The following PRKN variants were observed in gnomAD, a reference collection of about 807,000 sequenced individuals.
The protein encoded by PRKN is E3 ubiquitin-protein ligase parkin.
In PRKN, 56 loss-of-function variants were observed where a neutral mutation model predicts 59.5. The observed-to-expected ratio is 0.94, with a 90% CI of 0.76 to 1.18. PRKN has a LOEUF of 1.18. PRKN is among the 50% of genes most tolerant of loss of function. The probability of loss-of-function intolerance (pLI) is 0.00; values close to 1 mark genes in which losing one functional copy is unlikely to be tolerated. For missense variants in PRKN, 657 were observed against 596.4 expected, an observed-to-expected ratio of 1.10 and a Z score of -1.06; for synonymous variants, 250 against 222.1, an observed-to-expected ratio of 1.13 and a Z score of -1.12.
intron 2 of PRKN, among the ~76,000 whole-genome samples, chr6:162,384,555 A>T (rs1786678200): frequency 6.6e-6 from 1 of 151,960 alleles, no homozygotes; most frequent in Non-Finnish European, 1.5e-5. Flanking sequence ...AAGAATTACC[A>T]AATGATAGAG....
At chr6:161,437,799 C>T (rs1788997056) in intron 9 of PRKN, among the ~76,000 whole-genome samples, 1 of 152,162 alleles carries the variant, frequency 6.6e-6, no homozygotes. Flanking sequence ...TAGTCTGTGA[C>T]ATGCAGAAAA....
intron 2 of PRKN, among the ~76,000 whole-genome samples, chr6:162,348,517 A>T (rs1784497084): frequency 6.6e-6 from 1 of 152,218 alleles, no homozygotes; most frequent in Non-Finnish European, 1.5e-5. Context: ...TATAATATAA[A>T]ACTAAATAAA....
chr6:162,359,079 A>ATATATATATATATATATAT (rs1554304694), intron 2 of PRKN, among the ~76,000 whole-genome samples: 6 of 83,242 alleles, frequency 7.2e-5, no homozygotes, highest in African/African-American at 4.4e-4. Context: ...AAAAAAAAAA[A>ATATATATATATATATATAT]ATATATATAT....
chr6:161,537,066 T>G (rs889045531), intron 9 of PRKN, among the ~76,000 whole-genome samples: 1 of 152,250 alleles, frequency 6.6e-6, no homozygotes, highest in Non-Finnish European at 1.5e-5. Context: ...AATACAATAC[T>G]GCTTATACAA....
intron 7 of PRKN, among the ~76,000 whole-genome samples, chr6:161,600,665 A>T (rs956650742): frequency 3.3e-5 from 5 of 152,200 alleles, no homozygotes; most frequent in African/African-American, 1.2e-4. Flanking sequence ...ACCTCAGTTA[A>T]ACTTTTTACC....
At chr6:161,541,808 G>T (rs769062394) in intron 9 of PRKN, among the ~76,000 whole-genome samples, 1 of 151,494 alleles carries the variant, frequency 6.6e-6, no homozygotes, top group Non-Finnish European at 1.5e-5. Flanking sequence ...GTGACAGAGC[G>T]AGACTCCGTC....
chr6:161,945,789 G>T (rs780974106), intron 6 of PRKN, among the ~76,000 whole-genome samples: 1 of 152,164 alleles, frequency 6.6e-6, no homozygotes, highest in Non-Finnish European at 1.5e-5. Flanking sequence ...AGACATGACA[G>T]TTTCCCTCTT....
chr6:162,136,909 T>C (rs1370879842), intron 4 of PRKN, among the ~76,000 whole-genome samples: 20 of 152,244 alleles, frequency 1.3e-4, no homozygotes, highest in Admixed American at 1.2e-3. Flanking sequence ...ATTTTATTTA[T>C]TTATCCACAT....
intron 4 of PRKN, among the ~76,000 whole-genome samples, chr6:162,137,052 C>T (rs1781585372): frequency 6.6e-6 from 1 of 151,662 alleles, no homozygotes; most frequent in South Asian, 2.1e-4. Context: ...TTATAAGTAC[C>T]TCATTTTTAA....
chr6:161,653,887 CAGGGAAACATGTCACAGG>C (rs1330871407), intron 7 of PRKN, among the ~76,000 whole-genome samples: 1 of 152,196 alleles, frequency 6.6e-6, no homozygotes, highest in African/African-American at 2.4e-5. Context: ...GGCCAGCCTT[CAGGGAAACATGTCACAGG>C]AGCACGCTGG....
In PRKN at chr6:162,612,665, T is replaced by C. The variant is rs57579486; in HGVS notation, c.7+114997A>G. 4.0e-3 allele frequency among the ~76,000 whole-genome samples: 595 copies of C among 149,288 alleles called. 1 individual carries two copies. Among genetic ancestry groups the C allele is most frequent in the African/African-American group, 0.014 (575 of 40,558 alleles). Reference sequence around the variant, plus strand: ...CAAAACGTTGCCTTAAACTGAAGCATACACATCAACAGCATAAGTTCTTCC... The same window carrying C: ...CAAAACGTTGCCTTAAACTGAAGCACACACATCAACAGCATAAGTTCTTCC... On this transcript the variant is annotated intron_variant, in intron 1 of 11. Transcript: ENST00000366898.
At chr6:162,508,499 A>G (rs1793702462) in intron 1 of PRKN, among the ~76,000 whole-genome samples, 4 of 152,168 alleles carry the variant, frequency 2.6e-5, no homozygotes, top group Non-Finnish European at 4.4e-5. Context: ...CTTAGAGTCA[A>G]TTTGTTTTCT....
At position 161,733,783 on chromosome 6, in the gene PRKN, AATATATATATATATGTATATATAT is replaced by A. The variant is rs1399635892; in HGVS notation, c.871+51965_871+51988del. Among the ~76,000 whole-genome samples the A allele has an allele frequency of 4.6e-5, 4 of 86,228 alleles. 1 individual carries two copies. Among genetic ancestry groups the A allele is most frequent in the African/African-American group, 1.8e-4 (2 of 11,402 alleles). The allele number at this position is 86,228 out of a possible 152,430, so 56.6% of individuals were successfully genotyped here. A position where few individuals can be genotyped will look rare whatever the true frequency, so the allele number is the denominator to read the frequency against. On this transcript the variant is annotated intron_variant, in intron 7 of 11. Coordinates refer to ENST00000366898, the MANE Select transcript of PRKN (RefSeq NM_004562.3). Reference sequence around the variant, plus strand: ...TTCCCAGGGGGTGAAAAAAAAAAAAAATATATATATATATGTATATATATATATATATATATATGTATTCCAAAG... The same window carrying A: ...TTCCCAGGGGGTGAAAAAAAAAAAAAATATATATATATATGTATTCCAAAG...
At chr6:162,702,784 A>G (rs535584261) in intron 1 of PRKN, among the ~76,000 whole-genome samples, 4 of 152,316 alleles carry the variant, frequency 2.6e-5, no homozygotes, top group South Asian at 2.1e-4. Flanking sequence ...AAATGACAAG[A>G]GAATTAATAG....
At chr6:161,808,463 A>G (rs1191694860) in intron 6 of PRKN, among the ~76,000 whole-genome samples, 6 of 152,238 alleles carry the variant, frequency 3.9e-5, no homozygotes, top group African/African-American at 1.2e-4. Flanking sequence ...TAAATAGTAC[A>G]GAAAATTGTA....
chr6:161,743,306 G>A (rs1219256636), intron 7 of PRKN, among the ~76,000 whole-genome samples: 19 of 136,726 alleles, frequency 1.4e-4, no homozygotes, highest in African/African-American at 2.7e-5. Context: ...TGCAAGCTCC[G>A]CCTCCCGGGT....
chr6:161,791,422 T>C (rs1790632999), intron 6 of PRKN, among the ~76,000 whole-genome samples: 1 of 152,210 alleles, frequency 6.6e-6, no homozygotes, highest in African/African-American at 2.4e-5. Context: ...AGTTTTTATG[T>C]TTATCTAGAA....
At chr6:162,258,202 T>G (rs1775496851) in intron 3 of PRKN, among the ~76,000 whole-genome samples, 1 of 152,228 alleles carries the variant, frequency 6.6e-6, no homozygotes, top group African/African-American at 2.4e-5. Context: ...TGTTTCTCGA[T>G]AGAACACACA....
intron 6 of PRKN, among the ~76,000 whole-genome samples, chr6:161,832,774 A>G (rs1480152245): frequency 6.6e-5 from 10 of 151,860 alleles, no homozygotes; most frequent in Non-Finnish European, 1.5e-5. Flanking sequence ...CACCCTCCCC[A>G]TTCTCTACGG....
Sources: allele counts gnomAD v4.1 joint callset (sites outside exome capture counted in the v4.1 genomes callset), GRCh38; gene constraint gnomAD v4.1.1; transcripts MANE v1.5; gene names NCBI Gene and HGNC (gene_info 2026-07-23, HGNC 2026-07-21).